The following RIMBP2 variants were observed in gnomAD, a reference collection of about 807,000 sequenced individuals.
RIMBP2 encodes the protein RIMS-binding protein 2.
A neutral mutation model predicts 118.6 loss-of-function variants in RIMBP2; 48 were observed. That is an observed-to-expected ratio of 0.40 (90% CI 0.32 to 0.51). The LOEUF is 0.51. Ranked by LOEUF, RIMBP2 falls within the 20% of genes least tolerant of loss-of-function variation. RIMBP2 has a pLI of 0.41. For missense variants in RIMBP2, 1,551 were observed against 1,768.3 expected, an observed-to-expected ratio of 0.88 and a Z score of 2.20; for synonymous variants, 762 against 742.9, an observed-to-expected ratio of 1.03 and a Z score of -0.42.
rs1272791497 is a variant in RIMBP2 at position 130,617,873 on chromosome 12, T to A, written c.-217+10449A>T. 6.6e-6 allele frequency among the ~76,000 whole-genome samples: 1 copy of A among 151,982 alleles called. No individual in the cohort carries two copies. Among genetic ancestry groups the A allele is most frequent in the Admixed American group, 6.5e-5 (1 of 15,274 alleles). ...CAGCTGATTTTCAGATTGCCAGGTC[T>A]CTTTAGAACTGGGAGATTCTTAGAA... On this transcript the variant is annotated intron_variant, in intron 2 of 22. Transcript: ENST00000690449. The surrounding 1 kb of genome is among the most constrained non-coding windows in gnomAD (Gnocchi z 4.6).
intron 6 of RIMBP2, among the ~76,000 whole-genome samples, chr12:130,462,763 C>T (rs1032641002): frequency 3.3e-5 from 5 of 152,244 alleles, no homozygotes; most frequent in African/African-American, 1.2e-4. Context: ...GCTGGCACCA[C>T]GTGGAGCTCA....
In RIMBP2 at chr12:130,689,077, A is replaced by G. The variant is rs184229783; in HGVS notation, c.-352+27145T>C. Among the ~76,000 whole-genome samples, 160 of 152,274 alleles carry G rather than the reference A, an allele frequency of 1.1e-3. 1 individual carries two copies. The highest frequency in any genetic ancestry group is 3.6e-3 in the African/African-American group (149 of 41,544). On this transcript the variant is annotated intron_variant, in intron 1 of 22. Coordinates refer to ENST00000690449, the MANE Select transcript of RIMBP2 (RefSeq NM_001393629.1). Reference sequence around the variant, plus strand: ...CGCTTACAGAAACACTGATTGATACACCAGATAAATCCTCGAGACCAATTT... The same window carrying G: ...CGCTTACAGAAACACTGATTGATACGCCAGATAAATCCTCGAGACCAATTT...
intron 4 of RIMBP2, among the ~76,000 whole-genome samples, chr12:130,479,750 C>T (rs1178150076): frequency 6.6e-6 from 1 of 152,056 alleles, no homozygotes; most frequent in African/African-American, 2.4e-5. Flanking sequence ...GCAAGGTGGC[C>T]CCCATCAGCC....
At chr12:130,610,716 A>G (rs1169736615) in intron 2 of RIMBP2, among the ~76,000 whole-genome samples, 7 of 151,014 alleles carry the variant, frequency 4.6e-5, no homozygotes, top group African/African-American at 9.7e-5. Context: ...GCCCGCTACC[A>G]CGCCCGGCTA....
At position 130,424,447 on chromosome 12, in the gene RIMBP2, T is replaced by C. The variant is rs1192048803; in HGVS notation, c.2824A>G (p.Ser942Gly). The C allele has an allele frequency of 7.3e-6, 9 of 1,232,236 alleles. No homozygotes were observed. The African/African-American group carries it at 9.3e-5, about 13-fold the overall frequency. 76.3% of individuals were successfully genotyped at this position (1,232,236 alleles called of 1,614,324 possible). ...FGFGNTVAAC[S>G]PGPGHCPCRR... ...CAGGGACAGTGACCAGGGCCTGGGCTGCACGCGGCCACGGTGTTTCCGAAG... is the reference window on the plus strand; with the variant it reads ...CAGGGACAGTGACCAGGGCCTGGGCCGCACGCGGCCACGGTGTTTCCGAAG... The change falls in exon 16 of 23, where the codon AGC becomes GGC. Residue 942 changes from serine to glycine, a missense_variant. Ser to Gly is a moderately conservative substitution (Grantham distance 56). Around this residue, in one of 5 missense-constraint regions of RIMBP2, gnomAD observed 1,038 missense variants for 1,125.1 expected, o/e 0.92. Transcript: ENST00000690449. This position sits in a 1 kb window ranked among gnomAD's most constrained non-coding sequence, Gnocchi z 9.8.
chr12:130,556,275 C>T (rs992356492), intron 2 of RIMBP2, among the ~76,000 whole-genome samples: 5 of 152,194 alleles, frequency 3.3e-5, no homozygotes, highest in African/African-American at 9.7e-5. Context: ...AGACCTTCCC[C>T]TCATGTGGCC....
At chr12:130,480,415 C>A (rs2081882773) in intron 4 of RIMBP2, among the ~76,000 whole-genome samples, 1 of 152,230 alleles carries the variant, frequency 6.6e-6, no homozygotes, top group South Asian at 2.1e-4. Flanking sequence ...GGGCCTGCCC[C>A]CCATGTCCCC....
intron 2 of RIMBP2, among the ~76,000 whole-genome samples, chr12:130,531,096 T>A (rs1308335962): frequency 6.6e-6 from 1 of 152,218 alleles, no homozygotes; most frequent in African/African-American, 2.4e-5. Context: ...TCCAAATCTA[T>A]CTTCTGCTCA....
At chr12:130,594,202 T>C (rs1479119912) in intron 2 of RIMBP2, among the ~76,000 whole-genome samples, 3 of 152,232 alleles carry the variant, frequency 2.0e-5, no homozygotes, top group Non-Finnish European at 2.9e-5. Flanking sequence ...TGCACAGTCA[T>C]GTGATGTCAA....
In RIMBP2 at chr12:130,424,378, T is replaced by C. The variant is rs1462723438; in HGVS notation, c.2893A>G (p.Thr965Ala). 6.5e-6 allele frequency: 8 copies of C among 1,232,628 alleles called. No homozygotes were observed. The highest frequency in any genetic ancestry group is 8.1e-6 in the Non-Finnish European group (8 of 988,168). The allele number at this position is 1,232,628 out of a possible 1,614,324, so 76.4% of individuals were successfully genotyped here. Reference protein sequence around the residue: ...RPLLARRRTLTRQSSVEEDFG... With the variant: ...RPLLARRRTLARQSSVEEDFG... ...TCCTCCTCCACGCTGCTCTGCCGGG[T>C]CAGCGTCCGCCGCCGGGCCAGCAGC... Residue 965 changes from threonine (T) to alanine (A), a missense_variant, in exon 16 of 23, where the codon ACC (threonine) becomes GCC (alanine). Transcript: ENST00000690449. The surrounding 1 kb of genome is among the most constrained non-coding windows in gnomAD (Gnocchi z 9.8).
intron 1 of RIMBP2, among the ~76,000 whole-genome samples, chr12:130,678,395 AC>A (rs1292924764): frequency 2.0e-5 from 3 of 152,236 alleles, no homozygotes; most frequent in African/African-American, 7.2e-5. Context: ...CTGCTGCGCC[AC>A]GGAATATTCC....
intron 2 of RIMBP2, among the ~76,000 whole-genome samples, chr12:130,615,997 T>C (rs1484471923): frequency 6.6e-6 from 1 of 152,078 alleles, no homozygotes; most frequent in Non-Finnish European, 1.5e-5. Context: ...CTTTTTCACC[T>C]CTGGCAGGCA....
intron 1 of RIMBP2, among the ~76,000 whole-genome samples, chr12:130,674,916 C>T (rs565425424): frequency 9.0e-4 from 137 of 152,328 alleles, no homozygotes; most frequent in Non-Finnish European, 1.5e-3. Context: ...AAGGTTCATC[C>T]GTGTGGTGGC....
At chr12:130,399,108 C>CACTT in intron 22 of RIMBP2, 1 of 1,376,628 alleles carries the variant, frequency 7.3e-7, no homozygotes, top group Non-Finnish European at 9.5e-7. Context: ...TTCAGTTGCT[C>CACTT]ACTTACGTGA....
chr12:130,457,384 G>C (rs12297269), intron 6 of RIMBP2, among the ~76,000 whole-genome samples: 39,433 of 152,110 alleles, frequency 0.26, 6,270 homozygotes, highest in Non-Finnish European at 0.34. Context: ...GGGTAGCCCA[G>C]CAAACTCCTT....
chr12:130,439,296 GGTGTGTGT>G, intron 11 of RIMBP2, among the ~76,000 whole-genome samples: 1 of 151,578 alleles, frequency 6.6e-6, no homozygotes, highest in South Asian at 2.1e-4. Flanking sequence ...TGTATATGTG[GGTGTGTGT>G]GTGGGTGTGT....
intron 2 of RIMBP2, among the ~76,000 whole-genome samples, chr12:130,615,996 C>T (rs2060908519): frequency 6.6e-6 from 1 of 152,128 alleles, no homozygotes; most frequent in Admixed American, 6.5e-5. Context: ...GCTTTTTCAC[C>T]TCTGGCAGGC....
chr12:130,535,323 AC>A (rs1357572819), intron 2 of RIMBP2, among the ~76,000 whole-genome samples: 1 of 150,852 alleles, frequency 6.6e-6, no homozygotes, highest in African/African-American at 2.4e-5. Context: ...ACATAGCAAA[AC>A]CCAGTCTCAA....
At position 130,710,544 on chromosome 12, in the gene RIMBP2, TGA is replaced by T. The variant is rs1949841156; in HGVS notation, c.-352+5676_-352+5677del. 1.3e-5 allele frequency among the ~76,000 whole-genome samples: 2 copies of T among 152,130 alleles called. No individual in the cohort carries two copies. The highest frequency in any genetic ancestry group is 1.3e-4 in the Admixed American group (2 of 15,284). ...GCTTGTTCACTGCTCACCTAAAATGTGAGTCAGTATTTAGCAGGTGCTTAAAG... is the reference window on the plus strand; with the variant it reads ...GCTTGTTCACTGCTCACCTAAAATGTGTCAGTATTTAGCAGGTGCTTAAAG... On this transcript the variant is annotated intron_variant, in intron 1 of 22. Transcript: ENST00000690449. This position sits in a 1 kb window ranked among gnomAD's most constrained non-coding sequence, Gnocchi z 4.3.
Sources: gnomAD v4.1 joint callset for allele counts (sites outside exome capture counted in the v4.1 genomes callset) on GRCh38, gnomAD v4.1.1 for gene constraint, gnomAD v4.1.1 regional missense constraint, Gnocchi (gnomAD v3.1) non-coding constraint, MANE v1.5 for transcripts, NCBI Gene and HGNC (gene_info 2026-07-23, HGNC 2026-07-21) for gene names.